Variants in FGF1 observed in about 807,000 individuals in gnomAD.
FGF1 encodes fibroblast growth factor 1.
A neutral mutation model predicts 13.4 loss-of-function variants in FGF1; 9 were observed. That is an observed-to-expected ratio of 0.67 (90% CI 0.40 to 1.17). The LOEUF (loss-of-function observed/expected upper bound fraction) is 1.17. Ranked by LOEUF, FGF1 falls within the 50% of genes most tolerant of loss-of-function variation. The pLI is 0.01. For synonymous variants in FGF1, 93 were observed against 79.0 expected (o/e 1.18, Z -0.94); for missense variants, 156 against 192.7 (o/e 0.81, Z 1.13).
rs1766614466 is a variant in FGF1 at position 142,648,575 on chromosome 5, G to A, written c.-34-34414C>T. Among the ~76,000 whole-genome samples the A allele has an allele frequency of 4.0e-5, 6 of 151,094 alleles. No individual in the cohort carries two copies. The South Asian group carries it at 1.0e-3, about 26-fold the overall frequency. On this transcript the variant is annotated intron_variant, in intron 1 of 3. Coordinates refer to ENST00000337706, the MANE Select transcript of FGF1 (RefSeq NM_000800.5). Reference sequence around the variant, plus strand: ...TAATGTAGATGACAGGTTGATGGGTGCAGCAAACCACCATGGCATGTGTAT... The same window carrying A: ...TAATGTAGATGACAGGTTGATGGGTACAGCAAACCACCATGGCATGTGTAT...
At chr5:142,661,867 G>T (rs917963262) in intron 1 of FGF1, among the ~76,000 whole-genome samples, 1 of 152,110 alleles carries the variant, frequency 6.6e-6, no homozygotes, top group Non-Finnish European at 1.5e-5. Flanking sequence ...GCAGGGCATG[G>T]TGGCGGTTGC....
chr5:142,609,034 G>A (rs1758466061), intron 2 of FGF1, among the ~76,000 whole-genome samples: 1 of 152,032 alleles, frequency 6.6e-6, no homozygotes, highest in Non-Finnish European at 1.5e-5. Context: ...TCGGGTCTAT[G>A]TTGGTGGGGA....
chr5:142,619,503 A>G (rs185916531), intron 1 of FGF1, among the ~76,000 whole-genome samples: 117 of 152,338 alleles, frequency 7.7e-4, no homozygotes, highest in Non-Finnish European at 1.5e-3. Flanking sequence ...AAATTTTGTT[A>G]AGTCAAATAT....
chr5:142,615,001 A>T lies in FGF1; in HGVS notation c.-34-840T>A, dbSNP rs17223590. Among the ~76,000 whole-genome samples the T allele has an allele frequency of 6.6e-3, 999 of 151,868 alleles. 5 individuals carry two copies. Among genetic ancestry groups the T allele is most frequent in the Middle Eastern group, 0.017 (5 of 294 alleles). ...CAGAAACCACCATATTATATATAATATACCTTTAACATTATATGTAGCCAC... is the reference window on the plus strand; with the variant it reads ...CAGAAACCACCATATTATATATAATTTACCTTTAACATTATATGTAGCCAC... On this transcript the variant is annotated intron_variant, in intron 1 of 3. Coordinates refer to ENST00000337706, the MANE Select transcript of FGF1 (RefSeq NM_000800.5).
chr5:142,625,456 G>A (rs997304643), intron 1 of FGF1, among the ~76,000 whole-genome samples: 1 of 152,148 alleles, frequency 6.6e-6, no homozygotes, highest in Non-Finnish European at 1.5e-5. Flanking sequence ...GCATCATTCA[G>A]TTGGAGGTCA....
intron 1 of FGF1, among the ~76,000 whole-genome samples, chr5:142,619,708 C>T (rs1032665053): frequency 6.6e-6 from 1 of 151,992 alleles, no homozygotes; most frequent in Non-Finnish European, 1.5e-5. Context: ...TGGCGCATGC[C>T]TGTAATCCCA....
At chr5:142,616,132 G>T (rs1168504360) in intron 1 of FGF1, among the ~76,000 whole-genome samples, 1 of 152,232 alleles carries the variant, frequency 6.6e-6, no homozygotes, top group Non-Finnish European at 1.5e-5. Context: ...GTGCGGAGCT[G>T]CTCTCATAGG....
At chr5:142,646,734 T>C (rs1346819339) in intron 1 of FGF1, among the ~76,000 whole-genome samples, 1 of 151,976 alleles carries the variant, frequency 6.6e-6, no homozygotes, top group African/African-American at 2.4e-5. Flanking sequence ...CCTCGTGATC[T>C]ACCTGCCTTG....
chr5:142,642,376 G>A (rs1765340926), intron 1 of FGF1, among the ~76,000 whole-genome samples: 1 of 152,198 alleles, frequency 6.6e-6, no homozygotes, highest in Non-Finnish European at 1.5e-5. Flanking sequence ...CCTGATCAAG[G>A]CCTGAGGGGA....
At chr5:142,609,981 A>G (rs1223049283) in intron 2 of FGF1, among the ~76,000 whole-genome samples, 2 of 152,180 alleles carry the variant, frequency 1.3e-5, no homozygotes, top group African/African-American at 4.8e-5. Flanking sequence ...GTGGGGCGGA[A>G]CCACTGTCAT....
intron 1 of FGF1, among the ~76,000 whole-genome samples, chr5:142,640,250 C>A (rs1764945889): frequency 6.6e-6 from 1 of 151,962 alleles, no homozygotes; most frequent in Non-Finnish European, 1.5e-5. Context: ...CAGGGGTAAA[C>A]AAGAAAAGCA....
In FGF1 at chr5:142,645,972, G is replaced by A. The variant is rs1424505138; in HGVS notation, c.-34-31811C>T. On this transcript the variant is annotated intron_variant, in intron 1 of 3. Coordinates refer to ENST00000337706, the MANE Select transcript of FGF1 (RefSeq NM_000800.5). ...CGCCTAGGCTGAAGCGCAGTGGTGC[G>A]ATCTTGGCTCATTGCAAGCTCTGCC... Among the ~76,000 whole-genome samples, 8 of 152,118 alleles carry A rather than the reference G, an allele frequency of 5.3e-5. 1 individual carries two copies. In the East Asian group the frequency reaches 7.7e-4, roughly 15 times the overall value.
Position 142,641,899 on chromosome 5 carries a change from C to T in FGF1, c.-34-27738G>A, listed in dbSNP as rs17223374. 8.6e-3 allele frequency among the ~76,000 whole-genome samples: 1,292 copies of T among 150,476 alleles called. 37 individuals carry two copies. Among genetic ancestry groups the T allele is most frequent in the African/African-American group, 0.031 (1,229 of 39,858 alleles). On this transcript the variant is annotated intron_variant, in intron 1 of 3. Transcript: ENST00000337706. The stretch of plus-strand genomic sequence containing the variant: ...TCACTCCCAGGGCTAAGAGGTATTT[C>T]AGGCATCTGAATTATTATTCAGTTT...
chr5:142,640,867 T>A (rs191842296), intron 1 of FGF1, among the ~76,000 whole-genome samples: 1 of 152,100 alleles, frequency 6.6e-6, no homozygotes, highest in East Asian at 1.9e-4. Context: ...CCCTTGGGAA[T>A]CTTCAACTCC....
intron 1 of FGF1, chr5:142,697,767 G>C (rs1202681875): frequency 1.3e-5 from 2 of 152,406 alleles, no homozygotes; most frequent in Non-Finnish European, 1.5e-5. Flanking sequence ...TGTCCTCCCA[G>C]AAAAGGAGGC....
intron 1 of FGF1, among the ~76,000 whole-genome samples, chr5:142,657,096 T>C (rs1768304976): frequency 6.6e-6 from 1 of 152,080 alleles, no homozygotes. Flanking sequence ...TTTGTATTTT[T>C]AGTAGAGATG....
chr5:142,642,324 C>T (rs753461603), intron 1 of FGF1, among the ~76,000 whole-genome samples: 7 of 152,234 alleles, frequency 4.6e-5, no homozygotes, highest in Non-Finnish European at 7.3e-5. Flanking sequence ...ATGAAGTACA[C>T]TCAAGTTCAT....
At chr5:142,627,395 T>C (rs994322164) in intron 1 of FGF1, among the ~76,000 whole-genome samples, 2 of 152,100 alleles carry the variant, frequency 1.3e-5, no homozygotes, top group Admixed American at 1.3e-4. Flanking sequence ...TATAATGTCA[T>C]CCCCATTTCC....
At chr5:142,695,887 C>G (rs13179391) in intron 2 of FGF1, among the ~76,000 whole-genome samples, 4,400 of 152,244 alleles carry the variant, frequency 0.029, 211 homozygotes, top group African/African-American at 0.098. Flanking sequence ...AGAGGGGAGA[C>G]AGCAGGAAAG....
Sources: allele counts gnomAD v4.1 joint callset (sites outside exome capture counted in the v4.1 genomes callset), GRCh38; gene constraint gnomAD v4.1.1; transcripts MANE v1.5; gene names NCBI Gene and HGNC (gene_info 2026-07-23, HGNC 2026-07-21).